RNF180: variants seen among roughly 807,000 people sequenced by gnomAD.
RNF180 encodes the protein E3 ubiquitin-protein ligase RNF180.
Under a neutral mutation model 59.2 loss-of-function variants are expected in RNF180, and 38 were observed. That is an observed-to-expected ratio of 0.64 (90% CI 0.50 to 0.84). RNF180 has a LOEUF of 0.84. Among genes scored for constraint, RNF180 ranks in the 40% least tolerant of loss-of-function variants. The probability of loss-of-function intolerance (pLI) is 0.00; values close to 1 mark genes in which losing one functional copy is unlikely to be tolerated. For missense variants in RNF180, 705 were observed against 700.9 expected (o/e 1.01, Z -0.07); for synonymous variants, 262 against 240.3 (o/e 1.09, Z -0.84).
intron 7 of RNF180, among the ~76,000 whole-genome samples, chr5:64,338,102 A>AATAT (rs1745205879): frequency 6.6e-6 from 1 of 152,182 alleles, no homozygotes; most frequent in Admixed American, 6.5e-5. Flanking sequence ...CAATGGTTGA[A>AATAT]ATATATTGAT....
At chr5:64,236,050 C>T (rs1431493058) in intron 5 of RNF180, among the ~76,000 whole-genome samples, 1 of 152,178 alleles carries the variant, frequency 6.6e-6, no homozygotes, top group Non-Finnish European at 1.5e-5. Flanking sequence ...AATGTGGAAG[C>T]AACTTTGGAA....
chr5:64,361,850 TATC>T (rs1366150176), intron 7 of RNF180, among the ~76,000 whole-genome samples: 1 of 151,426 alleles, frequency 6.6e-6, no homozygotes, highest in Non-Finnish European at 1.5e-5. Context: ...ACTATTATGT[TATC>T]ATAATAGTTC....
chr5:64,199,572 CAGAA>C (rs1180247967), intron 1 of RNF180, among the ~76,000 whole-genome samples: 1 of 152,114 alleles, frequency 6.6e-6, no homozygotes, highest in African/African-American at 2.4e-5. Context: ...ACCTCTGAGA[CAGAA>C]AGAAAGTTTT....
chr5:64,256,250 G>A lies in RNF180; in HGVS notation c.1227+38854G>A, dbSNP rs183387271. Among the ~76,000 whole-genome samples, 516 of 152,208 alleles carry A rather than the reference G, an allele frequency of 3.4e-3. 2 individuals are homozygous for A. The highest frequency in any genetic ancestry group is 0.011 in the African/African-American group (468 of 41,506). ...TTGGCTTTTGTTGCCATTGCTTTTG[G>A]TGTTTTAGACATGAAGTCCTTGCCC... is the stretch of plus-strand genomic sequence containing the variant. On this transcript the variant is annotated intron_variant, in intron 5 of 7. Transcript: ENST00000389100.
intron 7 of RNF180, among the ~76,000 whole-genome samples, chr5:64,358,663 T>C (rs1002526784): frequency 2.4e-4 from 37 of 151,882 alleles, no homozygotes; most frequent in African/African-American, 8.5e-4. Context: ...TATTATACTT[T>C]AAGTTTTAGG....
At chr5:64,346,470 A>G (rs1745566909) in intron 7 of RNF180, among the ~76,000 whole-genome samples, 2 of 147,644 alleles carry the variant, frequency 1.4e-5, no homozygotes, top group African/African-American at 5.1e-5. Context: ...CCCAGGTTCA[A>G]GTAATTCTCC....
intron 5 of RNF180, among the ~76,000 whole-genome samples, chr5:64,249,125 G>GAT (rs1189016625): frequency 6.6e-6 from 1 of 152,174 alleles, no homozygotes. Flanking sequence ...CTAATGGAGG[G>GAT]ATAGCGTTAG....
In RNF180 at chr5:64,298,000, A is replaced by G. The variant is rs535035387; in HGVS notation, c.1228-27186A>G. ...TGTTATACAGATTATTTCATCACCC[A>G]GGTGTAAAGTCTAGTACCCATTAGT... On this transcript the variant is annotated intron_variant, in intron 5 of 7. Transcript: ENST00000389100. Among the ~76,000 whole-genome samples, 3 of 152,124 alleles carry G rather than the reference A, an allele frequency of 2.0e-5. No individual in the cohort carries two copies. The East Asian group carries it at 5.8e-4, about 29-fold the overall frequency.
chr5:64,271,911 C>A (rs941868403), intron 5 of RNF180, among the ~76,000 whole-genome samples: 1 of 151,942 alleles, frequency 6.6e-6, no homozygotes, highest in Non-Finnish European at 1.5e-5. Flanking sequence ...TCCCACCTCA[C>A]CAGCAATAAC....
intron 6 of RNF180, among the ~76,000 whole-genome samples, chr5:64,327,376 A>T (rs548152145): frequency 1.3e-5 from 2 of 152,090 alleles, no homozygotes; most frequent in South Asian, 4.1e-4. Flanking sequence ...ATACATCATT[A>T]GGTCATTTAT....
At chr5:64,188,711 G>A (rs545760833) in intron 1 of RNF180, among the ~76,000 whole-genome samples, 1 of 152,082 alleles carries the variant, frequency 6.6e-6, no homozygotes, top group East Asian at 1.9e-4. Context: ...GAAATATTTG[G>A]TGGGTTTTCT....
chr5:64,293,703 T>C (rs1191511536), intron 5 of RNF180, among the ~76,000 whole-genome samples: 1 of 152,046 alleles, frequency 6.6e-6, no homozygotes, highest in Non-Finnish European at 1.5e-5. Flanking sequence ...TAATAGGTGA[T>C]TTATTGGTGA....
At position 64,332,052 on chromosome 5, in the gene RNF180, G is replaced by A. The variant is rs535876964; in HGVS notation, c.1579+1646G>A. ...GCTGTGCACAGTGGCTGGACCTCAC[G>A]CTTGCTCAACCACACACCCCTTGCC... On this transcript the variant is annotated intron_variant, in intron 7 of 7. Coordinates refer to ENST00000389100, the MANE Select transcript of RNF180 (RefSeq NM_001113561.2). 5.3e-5 allele frequency among the ~76,000 whole-genome samples: 8 copies of A among 152,278 alleles called. No homozygotes were observed. In the South Asian group the frequency reaches 6.2e-4, roughly 12 times the overall value.
chr5:64,212,346 A>G (rs952153245), intron 3 of RNF180, among the ~76,000 whole-genome samples, 186 bp downstream of exon 3: 7 of 150,714 alleles, frequency 4.6e-5, no homozygotes, highest in Non-Finnish European at 8.8e-5. Flanking sequence ...TGTTTTACGC[A>G]CACACACACA....
chr5:64,166,548 A>G (rs1455993825), intron 1 of RNF180, among the ~76,000 whole-genome samples: 1 of 152,008 alleles, frequency 6.6e-6, no homozygotes, highest in Non-Finnish European at 1.5e-5. Context: ...AGGTGGGGAG[A>G]TGGTCCTTTG....
chr5:64,318,211 A>G (rs936668262), intron 5 of RNF180, among the ~76,000 whole-genome samples: 13 of 152,232 alleles, frequency 8.5e-5, no homozygotes, highest in African/African-American at 3.1e-4. Context: ...ACAATAAAAA[A>G]TAGAACAATT....
chr5:64,278,072 G>A (rs147773012), intron 5 of RNF180, among the ~76,000 whole-genome samples: 25 of 152,272 alleles, frequency 1.6e-4, no homozygotes, highest in African/African-American at 5.8e-4. Flanking sequence ...TCATTTTACA[G>A]TTAGAAAATA....
Position 64,214,401 on chromosome 5 carries a change from C to A in RNF180, c.1075C>A (p.His359Asn). 6 of 1,614,058 alleles carry A rather than the reference C, an allele frequency of 3.7e-6. No homozygotes were observed. The highest frequency in any genetic ancestry group is 5.1e-6 in the Non-Finnish European group (6 of 1,179,998). Residue 359 changes from histidine to asparagine, a missense_variant, in exon 4 of 8, where the codon CAC (histidine) becomes AAC (asparagine). His to Asn is a moderately conservative substitution (Grantham distance 68). Coordinates refer to ENST00000389100, the MANE Select transcript of RNF180 (RefSeq NM_001113561.2). ...EEHLSPLDFL[H>N]SANFSLGSIN... ...GCACCTCTCCCCTCTGGACTTCCTG[C>A]ACTCAGCCAATTTTTCATTGGGCAG...
intron 3 of RNF180, 29 bp downstream of exon 3, chr5:64,212,189 AG>A (rs765670792): frequency 8.0e-6 from 10 of 1,252,726 alleles, no homozygotes; most frequent in Non-Finnish European, 1.1e-5. Context: ...AGTAAAATTA[AG>A]AATATACAAC....
Sources: allele counts gnomAD v4.1 joint callset (sites outside exome capture counted in the v4.1 genomes callset), GRCh38; gene constraint gnomAD v4.1.1; transcripts MANE v1.5; gene names NCBI Gene and HGNC (gene_info 2026-07-23, HGNC 2026-07-21).